Variants in PIK3C2G observed in about 807,000 individuals in gnomAD.
The protein encoded by PIK3C2G is phosphatidylinositol-4-phosphate 3-kinase catalytic subunit type 2 gamma.
In PIK3C2G, 168 loss-of-function variants were observed where a neutral mutation model predicts 181.1. The observed-to-expected ratio is 0.93, with a 90% confidence interval of 0.82 to 1.05. PIK3C2G has a LOEUF of 1.05. PIK3C2G is among the 50% of genes least tolerant of loss of function. The probability of loss-of-function intolerance (pLI) is 0.00; values close to 1 mark genes in which losing one functional copy is unlikely to be tolerated. For missense variants in PIK3C2G, 1,869 were observed against 1,732.8 expected, an observed-to-expected ratio of 1.08 and a Z score of -1.40; for synonymous variants, 573 against 592.2, an observed-to-expected ratio of 0.97 and a Z score of 0.47.
the PIK3C2G span, among the ~76,000 whole-genome samples, chr12:18,710,702 T>C: frequency 6.6e-6 from 1 of 152,060 alleles, no homozygotes; most frequent in Non-Finnish European, 1.5e-5. Context: ...TGGGCAGAGA[T>C]AGTTAAATTC....
intron 19 of PIK3C2G, 39 bp downstream of exon 19, chr12:18,488,668 A>G (rs1177528564): frequency 1.6e-6 from 2 of 1,263,714 alleles, no homozygotes; most frequent in South Asian, 2.1e-5. Context: ...TAATGTTTTT[A>G]ACTTTGGCTT....
At chr12:18,630,249 A>T (rs1326646267) in intron 31 of PIK3C2G, among the ~76,000 whole-genome samples, 2 of 152,010 alleles carry the variant, frequency 1.3e-5, no homozygotes, top group African/African-American at 2.4e-5. Context: ...TAAATTAGCC[A>T]GACATAGTGA....
intron 22 of PIK3C2G, 74 bp from the exon 23 acceptor site, chr12:18,503,204 ATTG>A (rs1261850051): frequency 2.8e-6 from 3 of 1,059,756 alleles, no homozygotes; most frequent in Non-Finnish European, 4.1e-6. Context: ...GCTGGAAGCT[ATTG>A]TTGTTATATT....
At chr12:18,602,124 G>A (rs778571579) in intron 30 of PIK3C2G, among the ~76,000 whole-genome samples, 1 of 152,096 alleles carries the variant, frequency 6.6e-6, no homozygotes, top group Non-Finnish European at 1.5e-5. Flanking sequence ...GCAGCTGGGA[G>A]GTGGAAAGCT....
At chr12:18,298,481 T>C (rs1950040177) in intron 5 of PIK3C2G, among the ~76,000 whole-genome samples, 1 of 150,882 alleles carries the variant, frequency 6.6e-6, no homozygotes, top group Non-Finnish European at 1.5e-5. Flanking sequence ...AGTTTGCAAA[T>C]ACTTTCTCCC....
chr12:18,502,884 G>A (rs1461245828), intron 22 of PIK3C2G, among the ~76,000 whole-genome samples: 1 of 152,138 alleles, frequency 6.6e-6, no homozygotes, highest in East Asian at 1.9e-4. Context: ...TTGTTATGGA[G>A]AGTGTATTTG....
At position 18,616,870 on chromosome 12, in the gene PIK3C2G, A is replaced by G. The variant is rs1020774916; in HGVS notation, c.4182+7241A>G. 4.6e-5 allele frequency among the ~76,000 whole-genome samples: 7 copies of G among 152,306 alleles called. No individual in the cohort carries two copies. The East Asian group carries it at 9.6e-4, about 21-fold the overall frequency. The stretch of plus-strand genomic sequence containing the variant: ...ATTTCATTAGAACTATATTTTGAAT[A>G]TGCAAAAAATACAAAATGGATTAAA... On this transcript the variant is annotated intron_variant, in intron 31 of 32. Coordinates refer to ENST00000538779, the MANE Select transcript of PIK3C2G (RefSeq NM_001288772.2).
intron 8 of PIK3C2G, among the ~76,000 whole-genome samples, chr12:18,326,656 T>A (rs187343126): frequency 1.6e-4 from 24 of 152,238 alleles, no homozygotes; most frequent in Admixed American, 9.2e-4. Context: ...AAATGTGGAA[T>A]GTGAAAAGAA....
rs1592450756 is a variant in PIK3C2G, at chr12:18,510,963, A to AG, written c.3323+5502_3323+5503insG. Among the ~76,000 whole-genome samples, 3 of 151,976 alleles carry AG rather than the reference A, an allele frequency of 2.0e-5. No homozygotes were observed. The East Asian group carries it at 5.8e-4, about 29-fold the overall frequency. The stretch of plus-strand genomic sequence containing the variant: ...TCCTACTGTCTATCTGAAACTTTAT[A>AG]CTCTTTGATCAATAGCTCCCATTCC... On this transcript the variant is annotated intron_variant, in intron 24 of 32. Transcript: ENST00000538779.
intron 5 of PIK3C2G, among the ~76,000 whole-genome samples, chr12:18,310,682 T>C (rs1192890373): frequency 1.3e-5 from 2 of 151,838 alleles, no homozygotes; most frequent in Non-Finnish European, 2.9e-5. Flanking sequence ...AATATGTTTA[T>C]GAATGTCAAG....
intron 19 of PIK3C2G, among the ~76,000 whole-genome samples, chr12:18,489,339 T>G (rs572320729): frequency 4.6e-5 from 7 of 152,088 alleles, no homozygotes; most frequent in Non-Finnish European, 1.0e-4. Context: ...GGGTTAAGGA[T>G]AGAAAGATGA....
At position 18,283,990 on chromosome 12, in the gene PIK3C2G, G is replaced by A. The variant is rs930593786; in HGVS notation, c.678+1231G>A. Among the ~76,000 whole-genome samples, 29 of 152,052 alleles carry A rather than the reference G, an allele frequency of 1.9e-4. 1 individual carries two copies. Among genetic ancestry groups the A allele is most frequent in the Non-Finnish European group, 4.4e-5 (3 of 68,026 alleles). ...TTTGAGCAGCAGTATCACTGACTGC[G>A]AAGACAGTGCCTGCAGTTCCAAGTT... On this transcript the variant is annotated intron_variant, in intron 2 of 32. Transcript: ENST00000538779.
chr12:18,381,423 A>G (rs1942826485), intron 13 of PIK3C2G, among the ~76,000 whole-genome samples: 1 of 152,106 alleles, frequency 6.6e-6, no homozygotes, highest in Admixed American at 6.6e-5. Flanking sequence ...GGCAGTTGTA[A>G]CTCCAATAAT....
chr12:18,700,054 T>A, the PIK3C2G span: 1 of 974,184 alleles, frequency 1.0e-6, no homozygotes, highest in Non-Finnish European at 1.6e-6. Context: ...TTTTCATCTT[T>A]TCATAAGATT....
At chr12:18,275,268 A>C (rs2137078582) in intron 1 of PIK3C2G, among the ~76,000 whole-genome samples, 1 of 152,176 alleles carries the variant, frequency 6.6e-6, no homozygotes, top group Middle Eastern at 3.4e-3. Context: ...GGCCTTTTTC[A>C]CTGCTGTGAC....
intron 13 of PIK3C2G, among the ~76,000 whole-genome samples, chr12:18,375,862 C>T (rs1942399377): frequency 6.6e-6 from 1 of 152,240 alleles, no homozygotes; most frequent in African/African-American, 2.4e-5. Flanking sequence ...GGCGCAGGTA[C>T]CGCTTGGGCC....
chr12:18,640,830 G>C (rs1197216376), intron 32 of PIK3C2G, among the ~76,000 whole-genome samples: 1 of 151,944 alleles, frequency 6.6e-6, no homozygotes, highest in Admixed American at 6.5e-5. Flanking sequence ...CTTTATTCCT[G>C]ACTTCATCTT....
rs74593401 is a variant in PIK3C2G at position 18,465,785 on chromosome 12, G to A, written c.2505-22664G>A. On this transcript the variant is annotated intron_variant, in intron 18 of 32. Transcript: ENST00000538779. ...ATTCTGCATGGAAGTTGGGCTTTTG[G>A]ACTTTGAAGATAAGTGTTTTTCATT... Among the ~76,000 whole-genome samples, 1,073 of 151,706 alleles carry A rather than the reference G, an allele frequency of 7.1e-3. 6 individuals are homozygous for A. The highest frequency in any genetic ancestry group is 0.019 in the African/African-American group (789 of 41,472).
Position 18,314,065 on chromosome 12 carries a change from G to C in PIK3C2G, c.1137+1G>C, listed in dbSNP as rs747404244. On this transcript the variant is annotated splice_donor_variant, in intron 6 of 32. Coordinates refer to ENST00000538779, the MANE Select transcript of PIK3C2G (RefSeq NM_001288772.2). LOFTEE classifies it high-confidence loss of function. ...AGCTCCAGGAAAGCTATCTCGAAAG[G>C]TAAGACTTTCTTAGCATTGGTTTCA... 11 of 1,494,306 alleles carry C rather than the reference G, an allele frequency of 7.4e-6. No individual in the cohort carries two copies. The highest frequency in any genetic ancestry group is 4.1e-5 in the African/African-American group (3 of 72,296). The allele number at this position is 1,494,306 out of a possible 1,614,324, so 92.6% of individuals were successfully genotyped here. A position where few individuals can be genotyped will look rare whatever the true frequency, so the allele number is the denominator to read the frequency against.
Sources: gnomAD v4.1 joint callset for allele counts (sites outside exome capture counted in the v4.1 genomes callset) on GRCh38, gnomAD v4.1.1 for gene constraint, MANE v1.5 for transcripts, NCBI Gene and HGNC (gene_info 2026-07-23, HGNC 2026-07-21) for gene names.